The following SEMA4D variants were observed in gnomAD, a reference collection of about 807,000 sequenced individuals.
SEMA4D encodes the protein semaphorin 4D, also known as semaphorin-4D.
SEMA4D carries 22 observed loss-of-function variants against 74.8 expected under a neutral mutation model. The observed-to-expected ratio is 0.29, with a 90% CI of 0.21 to 0.42. The LOEUF (loss-of-function observed/expected upper bound fraction) is 0.42. SEMA4D is among the 10% of genes least tolerant of loss of function. The pLI, the probability that SEMA4D is intolerant of heterozygous loss-of-function variation, is 1.00. For synonymous variants in SEMA4D, 445 were observed against 463.7 expected (o/e 0.96, Z 0.52); for missense variants, 937 against 1,118.4 (o/e 0.84, Z 2.31).
chr9:89,497,317 G>C (rs1329746492), intron 1 of SEMA4D: 1 of 152,478 alleles, frequency 6.6e-6, no homozygotes, highest in Non-Finnish European at 1.5e-5. Flanking sequence ...GGAAACCGAG[G>C]CCTGCAGCAC....
At chr9:89,399,124 C>A in intron 5 of SEMA4D, 152 bp downstream of exon 5, 1 of 664,960 alleles carries the variant, frequency 1.5e-6, no homozygotes, top group Admixed American at 2.6e-5. Context: ...GGGATGAGCT[C>A]CAAGACGCAT....
intron 2 of SEMA4D, among the ~76,000 whole-genome samples, chr9:89,420,125 CT>C (rs1846587992): frequency 6.6e-6 from 1 of 152,304 alleles, no homozygotes; most frequent in East Asian, 1.9e-4. Context: ...CACCAGCATC[CT>C]TGTGTCCTGC....
intron 2 of SEMA4D, among the ~76,000 whole-genome samples, chr9:89,452,735 G>A (rs1231099487): frequency 6.6e-6 from 1 of 152,252 alleles, no homozygotes; most frequent in Non-Finnish European, 1.5e-5. Context: ...TTATATGCGT[G>A]AGCCACCACG....
At chr9:89,422,170 G>C (rs1198597235) in intron 2 of SEMA4D, among the ~76,000 whole-genome samples, 1 of 152,192 alleles carries the variant, frequency 6.6e-6, no homozygotes, top group Non-Finnish European at 1.5e-5. Context: ...TTTACTAAGA[G>C]GAAGATTTCA....
intron 16 of SEMA4D, among the ~76,000 whole-genome samples, chr9:89,369,683 TCTGAGTGATCCATGAGG>T (rs1282129539): frequency 6.6e-6 from 1 of 152,278 alleles, no homozygotes; most frequent in Non-Finnish European, 1.5e-5. Context: ...CCATCTGTAT[TCTGAGTGATCCATGAGG>T]AACTTGGGTT....
intron 1 of SEMA4D, among the ~76,000 whole-genome samples, chr9:89,457,343 T>A (rs1158722499): frequency 1.3e-5 from 2 of 152,086 alleles, no homozygotes; most frequent in Non-Finnish European, 2.9e-5. Context: ...GCTTCCTGCA[T>A]CGTAGCAAAG....
At chr9:89,431,541 A>G (rs1587840145) in intron 2 of SEMA4D, among the ~76,000 whole-genome samples, 1 of 152,222 alleles carries the variant, frequency 6.6e-6, no homozygotes, top group East Asian at 1.9e-4. Flanking sequence ...CCTGTCACTA[A>G]GGCTGCAATG....
intron 18 of SEMA4D, chr9:89,363,415 G>T (rs1403692824): frequency 6.2e-7 from 1 of 1,609,948 alleles, no homozygotes; most frequent in Admixed American, 1.7e-5. Context: ...TCTTTGCCCG[G>T]CTGCGGCCAC....
At chr9:89,451,404 A>G (rs1468242205) in intron 2 of SEMA4D, among the ~76,000 whole-genome samples, 2 of 152,182 alleles carry the variant, frequency 1.3e-5, no homozygotes, top group East Asian at 1.9e-4. Flanking sequence ...TCACAAAGCT[A>G]TAAAGAAATA....
intron 4 of SEMA4D, among the ~76,000 whole-genome samples, chr9:89,402,194 A>T (rs1333004240): frequency 2.0e-5 from 3 of 152,210 alleles, no homozygotes; most frequent in Non-Finnish European, 2.9e-5. Flanking sequence ...TTGATTTTTT[A>T]AAATGTTTAA....
chr9:89,403,122 G>A lies in SEMA4D; in HGVS notation c.107-106C>T, dbSNP rs998320640. ...TCCCTGTCTCAGTGACAATGAGCAC[G>A]TCTGGGTGCAGTCATGTCTCGAGGG... On this transcript the variant is annotated intron_variant, in intron 3 of 15. Coordinates refer to ENST00000422704, the MANE Select transcript of SEMA4D (RefSeq NM_001371194.2). 58 of 1,317,832 alleles carry A rather than the reference G, an allele frequency of 4.4e-5. No homozygotes were observed. In the African/African-American group the frequency reaches 5.9e-4, roughly 13 times the overall value. 81.6% of individuals were successfully genotyped at this position (1,317,832 alleles called of 1,614,324 possible).
At chr9:89,362,138 C>G in exon 19 of SEMA4D, 1 of 586,570 alleles carries the variant, frequency 1.7e-6, no homozygotes, top group Non-Finnish European at 3.0e-6. Context: ...TGGTTACCTG[C>G]TTGTGCCAGA....
intron 1 of SEMA4D, among the ~76,000 whole-genome samples, chr9:89,458,930 C>T (rs200791754): frequency 2.1e-5 from 1 of 47,762 alleles, no homozygotes; most frequent in Non-Finnish European, 6.9e-5. Context: ...TGCACACACC[C>T]ACATGTACTC....
chr9:89,410,265 T>G (rs1005914725), intron 2 of SEMA4D, among the ~76,000 whole-genome samples: 1 of 152,220 alleles, frequency 6.6e-6, no homozygotes, highest in Non-Finnish European at 1.5e-5. Flanking sequence ...CAGATAACAG[T>G]AGAATGCACA....
At chr9:89,427,743 G>A (rs1483344017) in intron 2 of SEMA4D, among the ~76,000 whole-genome samples, 2 of 152,228 alleles carry the variant, frequency 1.3e-5, no homozygotes, top group Non-Finnish European at 2.9e-5. Flanking sequence ...CCAGCAAGCA[G>A]CCAGCTCTAC....
At chr9:89,383,728 T>C (rs1837733352) in intron 13 of SEMA4D, among the ~76,000 whole-genome samples, 1 of 152,094 alleles carries the variant, frequency 6.6e-6, no homozygotes, top group South Asian at 2.1e-4. Flanking sequence ...TTCTGTGCAA[T>C]CATCAAAACT....
intron 2 of SEMA4D, among the ~76,000 whole-genome samples, chr9:89,438,148 A>C (rs1291714766): frequency 6.6e-6 from 1 of 152,226 alleles, no homozygotes. Context: ...GAAGCAACAA[A>C]GGTGCACTGT....
chr9:89,405,749 T>TG lies in SEMA4D; in HGVS notation c.-243-51dup, dbSNP rs1468978312. The TG allele has an allele frequency of 4.4e-6, 6 of 1,370,466 alleles. No individual in the cohort carries two copies. The African/African-American group carries it at 5.9e-5, about 13-fold the overall frequency. The allele number at this position is 1,370,466 out of a possible 1,614,324, so 84.9% of individuals were successfully genotyped here. ...GCAGGACCCATGGTGAGTGATGACC[T>TG]GCTTCTCACTGCTCTGTAGCCCCTC... is the stretch of plus-strand genomic sequence containing the variant. On this transcript the variant is annotated intron_variant, in intron 2 of 15. Coordinates refer to ENST00000422704, the MANE Select transcript of SEMA4D (RefSeq NM_001371194.2).
chr9:89,452,704 C>T (rs1021143531), intron 2 of SEMA4D, among the ~76,000 whole-genome samples: 20 of 152,348 alleles, frequency 1.3e-4, no homozygotes, highest in Admixed American at 1.2e-3. Flanking sequence ...CTACCCACCT[C>T]GGCCTCCCAA....
Sources: gnomAD v4.1 joint callset for allele counts (sites outside exome capture counted in the v4.1 genomes callset) on GRCh38, gnomAD v4.1.1 for gene constraint, MANE v1.5 for transcripts, NCBI Gene and HGNC (gene_info 2026-07-23, HGNC 2026-07-21) for gene names.